Variants in FSTL5 observed in about 807,000 individuals in gnomAD.
The protein encoded by FSTL5 is follistatin like 5.
Under a neutral mutation model 89.1 loss-of-function variants are expected in FSTL5, and 62 were observed. That is an observed-to-expected ratio of 0.70 (90% CI 0.57 to 0.86). The LOEUF is 0.86. FSTL5 is among the 40% of genes least tolerant of loss of function. The pLI is 0.00. For missense variants in FSTL5, 1,057 were observed against 1,001.6 expected (o/e 1.06, Z -0.75); for synonymous variants, 383 against 346.2 (o/e 1.11, Z -1.18).
intron 3 of FSTL5, among the ~76,000 whole-genome samples, chr4:161,939,505 C>T (rs1428697224): frequency 6.6e-6 from 1 of 151,872 alleles, no homozygotes; most frequent in Non-Finnish European, 1.5e-5. Context: ...GTGTTTTCTT[C>T]TTGATAACCT....
chr4:161,975,236 A>G (rs1191051759), intron 3 of FSTL5, among the ~76,000 whole-genome samples: 3 of 142,852 alleles, frequency 2.1e-5, no homozygotes, highest in Non-Finnish European at 3.0e-5. Context: ...CATTTGACCC[A>G]GCCATCCCAT....
chr4:161,931,467 C>T (rs1370080655), intron 3 of FSTL5, among the ~76,000 whole-genome samples: 2 of 151,800 alleles, frequency 1.3e-5, no homozygotes, highest in African/African-American at 4.8e-5. Context: ...TAAATAAAGA[C>T]AATTTTTGTA....
chr4:161,516,690 G>T (rs1730847318), intron 10 of FSTL5, among the ~76,000 whole-genome samples: 4 of 137,482 alleles, frequency 2.9e-5, no homozygotes, highest in African/African-American at 5.3e-5. Context: ...TATGTATAGT[G>T]AATTTATTAT....
intron 6 of FSTL5, among the ~76,000 whole-genome samples, chr4:161,659,499 G>GA (rs1218086942): frequency 1.3e-5 from 2 of 152,066 alleles, no homozygotes; most frequent in Non-Finnish European, 2.9e-5. Context: ...AATATTGCAA[G>GA]TTAAAAATGT....
At chr4:161,657,879 C>T (rs1420846216) in intron 6 of FSTL5, among the ~76,000 whole-genome samples, 2 of 152,146 alleles carry the variant, frequency 1.3e-5, no homozygotes, top group Non-Finnish European at 2.9e-5. Flanking sequence ...AATATACTCA[C>T]ACTCCTATTC....
At chr4:161,751,882 G>A (rs986423521) in intron 6 of FSTL5, among the ~76,000 whole-genome samples, 3 of 152,110 alleles carry the variant, frequency 2.0e-5, no homozygotes, top group Non-Finnish European at 4.4e-5. Context: ...AAATATGTCA[G>A]GTGATTAAGT....
At chr4:161,486,254 A>G (rs1214149210) in intron 12 of FSTL5, among the ~76,000 whole-genome samples, 1 of 152,198 alleles carries the variant, frequency 6.6e-6, no homozygotes, top group African/African-American at 2.4e-5. Context: ...TATTATGAAG[A>G]ACACAGAAAT....
Position 161,527,214 on chromosome 4 carries a change from G to C in FSTL5, c.1312+10952C>G, listed in dbSNP as rs562709581. Reference sequence around the variant, plus strand: ...ATTCTCTTTGAAGCAATTGTGAATGGGAGTTCACTCATGATTTAGCTCTCT... The same window carrying C: ...ATTCTCTTTGAAGCAATTGTGAATGCGAGTTCACTCATGATTTAGCTCTCT... On this transcript the variant is annotated intron_variant, in intron 10 of 15. Coordinates refer to ENST00000306100, the MANE Select transcript of FSTL5 (RefSeq NM_020116.5). Among the ~76,000 whole-genome samples, 1,000 of 152,164 alleles carry C rather than the reference G, an allele frequency of 6.6e-3. 13 individuals are homozygous for C. The highest frequency in any genetic ancestry group is 0.023 in the African/African-American group (939 of 41,516).
At chr4:161,409,442 C>T (rs531971290) in intron 15 of FSTL5, among the ~76,000 whole-genome samples, 13 of 151,810 alleles carry the variant, frequency 8.6e-5, no homozygotes, top group Non-Finnish European at 1.6e-4. Context: ...AGTCCAGTGG[C>T]GTGATCTTGG....
chr4:161,649,863 G>A (rs899637843), intron 7 of FSTL5, among the ~76,000 whole-genome samples: 11 of 152,108 alleles, frequency 7.2e-5, no homozygotes, highest in East Asian at 3.9e-4. Context: ...GCTTTATACC[G>A]CTACGGAACT....
intron 7 of FSTL5, among the ~76,000 whole-genome samples, chr4:161,650,509 A>C (rs1243976278): frequency 6.6e-6 from 1 of 152,174 alleles, no homozygotes; most frequent in Non-Finnish European, 1.5e-5. Context: ...GTTGAGTTAT[A>C]ATAATATAAA....
chr4:161,423,489 T>A (rs1483313204), intron 15 of FSTL5, among the ~76,000 whole-genome samples: 5 of 152,220 alleles, frequency 3.3e-5, no homozygotes, highest in Non-Finnish European at 7.3e-5. Flanking sequence ...AATGGAATAA[T>A]TCTCTGATAA....
chr4:161,953,849 G>A (rs1734960963), intron 3 of FSTL5, among the ~76,000 whole-genome samples: 1 of 151,410 alleles, frequency 6.6e-6, no homozygotes, highest in Non-Finnish European at 1.5e-5. Context: ...TAGATAACTT[G>A]GTAAATTCTG....
intron 7 of FSTL5, among the ~76,000 whole-genome samples, chr4:161,622,153 ATTGT>A (rs576710467): frequency 8.0e-4 from 122 of 152,298 alleles, no homozygotes; most frequent in African/African-American, 2.8e-3. Flanking sequence ...AAATGGACAA[ATTGT>A]TTGAAAAGTT....
intron 3 of FSTL5, among the ~76,000 whole-genome samples, chr4:162,005,002 A>G (rs1411713915): frequency 1.3e-5 from 2 of 152,162 alleles, no homozygotes; most frequent in Admixed American, 6.5e-5. Context: ...TATTATCCTT[A>G]TAAAATTTGT....
intron 4 of FSTL5, among the ~76,000 whole-genome samples, chr4:161,776,311 G>A (rs921334143): frequency 1.3e-5 from 2 of 151,948 alleles, no homozygotes; most frequent in Non-Finnish European, 2.9e-5. Context: ...TTGTTTATGA[G>A]GAAGGCATAG....
At chr4:161,760,219 G>A (rs1020443796) in intron 5 of FSTL5, among the ~76,000 whole-genome samples, 3 of 152,104 alleles carry the variant, frequency 2.0e-5, no homozygotes, top group Non-Finnish European at 4.4e-5. Context: ...TATGGACTGC[G>A]GCTGCAGCTT....
intron 8 of FSTL5, chr4:161,552,478 G>A (rs553068384): frequency 6.6e-6 from 1 of 151,400 alleles, no homozygotes; most frequent in Non-Finnish European, 1.5e-5. Context: ...ATATTATATG[G>A]GCCACTTACA....
At chr4:161,763,870 A>G (rs1055607646) in intron 5 of FSTL5, among the ~76,000 whole-genome samples, 4 of 152,170 alleles carry the variant, frequency 2.6e-5, no homozygotes, top group South Asian at 2.1e-4. Context: ...TCCGGGTATT[A>G]GATGTATGCT....
Sources: allele counts gnomAD v4.1 joint callset (sites outside exome capture counted in the v4.1 genomes callset), GRCh38; gene constraint gnomAD v4.1.1; transcripts MANE v1.5; gene names NCBI Gene and HGNC (gene_info 2026-07-23, HGNC 2026-07-21).